The following ADK variants were observed in gnomAD, a reference collection of about 807,000 sequenced individuals.
The protein encoded by ADK is adenosine kinase.
ADK carries 24 observed loss-of-function variants against 44.7 expected under a neutral mutation model. That is an observed-to-expected ratio of 0.54 (90% CI 0.39 to 0.76). The LOEUF (loss-of-function observed/expected upper bound fraction) is 0.76, where lower values mean the gene tolerates loss of function less well. Ranked by LOEUF, ADK falls within the 30% of genes least tolerant of loss-of-function variation. ADK has a pLI of 0.00. For synonymous variants in ADK, 128 were observed against 142.6 expected (o/e 0.90, Z 0.73); for missense variants, 321 against 425.1 (o/e 0.76, Z 2.15).
intron 3 of ADK, among the ~76,000 whole-genome samples, chr10:74,308,658 G>T (rs938319738): frequency 5.3e-5 from 8 of 152,160 alleles, no homozygotes; most frequent in African/African-American, 1.9e-4. Context: ...TGGCAGTTAT[G>T]AATGCTTTCT....
intron 6 of ADK, among the ~76,000 whole-genome samples, chr10:74,403,713 C>T (rs567694520): frequency 2.2e-4 from 33 of 152,276 alleles, no homozygotes; most frequent in African/African-American, 5.3e-4. Context: ...AGCGATGCCC[C>T]GCCCTGCTTT....
intron 6 of ADK, among the ~76,000 whole-genome samples, chr10:74,418,550 G>A (rs1258467074): frequency 6.6e-6 from 1 of 152,074 alleles, no homozygotes; most frequent in East Asian, 1.9e-4. Context: ...ATAACAAGAA[G>A]GCAGAATTAC....
rs1312064335 is a variant in ADK at position 74,371,816 on chromosome 10, T to C, written c.274-22325T>C. The C allele has an allele frequency of 3.2e-6, 4 of 1,260,566 alleles. No individual in the cohort carries two copies. The Admixed American group carries it at 6.7e-5, about 21-fold the overall frequency. 78.1% of individuals were successfully genotyped at this position (1,260,566 alleles called of 1,614,324 possible). A position where few individuals can be genotyped will look rare whatever the true frequency, so the allele number is the denominator to read the frequency against. On this transcript the variant is annotated intron_variant, in intron 4 of 10. Coordinates refer to ENST00000539909, the MANE Select transcript of ADK (RefSeq NM_006721.4). ...CTGTGCTGAAGTTTGCTGCTGCCAC[T>C]GGAGCCACTCCAATTGTTGGCCACT...
intron 1 of ADK, among the ~76,000 whole-genome samples, chr10:74,167,113 T>C (rs1373223533): frequency 1.3e-5 from 2 of 152,200 alleles, no homozygotes; most frequent in African/African-American, 4.8e-5. Flanking sequence ...TTGTTTCAGT[T>C]ATATGTATAG....
At chr10:74,423,500 G>T in intron 6 of ADK, 1 of 199,278 alleles carries the variant, frequency 5.0e-6, no homozygotes, top group Non-Finnish European at 1.1e-5. Context: ...GTTTTGGCCT[G>T]GAGCACCAGG....
At chr10:74,200,520 T>C (rs1447193207) in intron 1 of ADK, among the ~76,000 whole-genome samples, 2 of 151,442 alleles carry the variant, frequency 1.3e-5, no homozygotes, top group East Asian at 3.9e-4. Context: ...TTCTCATTGG[T>C]GTGAGATGGT....
At chr10:74,568,656 A>G (rs1207701469) in intron 7 of ADK, among the ~76,000 whole-genome samples, 7 of 149,264 alleles carry the variant, frequency 4.7e-5, no homozygotes, top group African/African-American at 1.7e-4. Flanking sequence ...TTTTTTTTAC[A>G]TGTTCTATTT....
chr10:74,403,871 T>C lies in ADK; in HGVS notation c.555+5292T>C, dbSNP rs1034741750. On this transcript the variant is annotated intron_variant, in intron 6 of 10. Coordinates refer to ENST00000539909, the MANE Select transcript of ADK (RefSeq NM_006721.4). The stretch of plus-strand genomic sequence containing the variant: ...GGAGCTGTTCCTATTCCTTTTTTTG[T>C]TTTGTTTTGTTTTGTTTTGAGATGG... Among the ~76,000 whole-genome samples, 5 of 152,054 alleles carry C rather than the reference T, an allele frequency of 3.3e-5. No individual in the cohort carries two copies. In the South Asian group the frequency reaches 1.0e-3, roughly 32 times the overall value.
chr10:74,588,136 T>G (rs1027439825), intron 7 of ADK, among the ~76,000 whole-genome samples: 32 of 152,172 alleles, frequency 2.1e-4, no homozygotes, highest in Admixed American at 7.9e-4. Flanking sequence ...GTTAACATTT[T>G]GCCACTTTTG....
intron 6 of ADK, among the ~76,000 whole-genome samples, chr10:74,493,495 G>T (rs556776339): frequency 1.9e-4 from 28 of 150,890 alleles, no homozygotes; most frequent in African/African-American, 2.9e-4. Context: ...TATAGATATA[G>T]AGAGAGATAT....
chr10:74,618,540 C>T (rs1440430640), intron 9 of ADK, among the ~76,000 whole-genome samples: 3 of 152,106 alleles, frequency 2.0e-5, no homozygotes, highest in African/African-American at 4.8e-5. Context: ...CCGCCCGCCT[C>T]GGCCTCCCAA....
At chr10:74,576,017 A>G (rs1048827977) in intron 7 of ADK, among the ~76,000 whole-genome samples, 3 of 152,180 alleles carry the variant, frequency 2.0e-5, no homozygotes, top group Admixed American at 1.3e-4. Context: ...GGACACAGAA[A>G]GTGAGGCAGG....
At chr10:74,342,014 G>GA (rs1158014441) in intron 4 of ADK, among the ~76,000 whole-genome samples, 14 of 151,348 alleles carry the variant, frequency 9.3e-5, no homozygotes, top group Admixed American at 2.6e-4. Context: ...TAAGTAGCAT[G>GA]AAAAAAAAGC....
At chr10:74,191,083 C>T (rs897070221) in intron 1 of ADK, among the ~76,000 whole-genome samples, 2 of 149,658 alleles carry the variant, frequency 1.3e-5, no homozygotes, top group South Asian at 2.1e-4. Flanking sequence ...CAGGTTCAAA[C>T]GATTCCCCTG....
At chr10:74,364,244 T>C (rs1842429624) in intron 4 of ADK, among the ~76,000 whole-genome samples, 1 of 152,240 alleles carries the variant, frequency 6.6e-6, no homozygotes, top group Non-Finnish European at 1.5e-5. Context: ...TGTTCTCTTC[T>C]TGATCTTTGC....
chr10:74,512,393 A>G (rs2133529905), intron 6 of ADK, among the ~76,000 whole-genome samples: 1 of 132,780 alleles, frequency 7.5e-6, no homozygotes, highest in African/African-American at 2.7e-5. Context: ...GAAGCCATCC[A>G]GTTCTGGACT....
At chr10:74,347,313 C>A (rs1330066859) in intron 4 of ADK, among the ~76,000 whole-genome samples, 1 of 151,744 alleles carries the variant, frequency 6.6e-6, no homozygotes, top group Non-Finnish European at 1.5e-5. Context: ...ATCACCTCAC[C>A]TGGGAGGTGC....
chr10:74,542,713 T>G (rs1344347239), intron 7 of ADK, among the ~76,000 whole-genome samples: 2 of 152,042 alleles, frequency 1.3e-5, no homozygotes, highest in Admixed American at 6.6e-5. Flanking sequence ...TAAATTTCTT[T>G]TAGCACAAAT....
At chr10:74,647,094 C>T (rs1420066360) in intron 9 of ADK, among the ~76,000 whole-genome samples, 2 of 150,778 alleles carry the variant, frequency 1.3e-5, no homozygotes, top group Non-Finnish European at 2.9e-5. Flanking sequence ...TAAACATAGT[C>T]ATTTCCTTAA....
Sources: gnomAD v4.1 joint callset for allele counts (sites outside exome capture counted in the v4.1 genomes callset) on GRCh38, gnomAD v4.1.1 for gene constraint, MANE v1.5 for transcripts, NCBI Gene and HGNC (gene_info 2026-07-23, HGNC 2026-07-21) for gene names.